The following PIK3C2G variants were observed in gnomAD, a reference collection of about 807,000 sequenced individuals.
The protein encoded by PIK3C2G is phosphatidylinositol-4-phosphate 3-kinase catalytic subunit type 2 gamma.
Under a neutral mutation model 181.1 loss-of-function variants are expected in PIK3C2G, and 168 were observed. The ratio of observed to expected loss-of-function variants is 0.93; its 90% CI spans 0.82 to 1.05. PIK3C2G has a LOEUF of 1.05. PIK3C2G is among the 50% of genes least tolerant of loss of function. The probability of loss-of-function intolerance (pLI) is 0.00; values close to 1 mark genes in which losing one functional copy is unlikely to be tolerated. For synonymous variants in PIK3C2G, 573 were observed against 592.2 expected (o/e 0.97, Z 0.47); for missense variants, 1,869 against 1,732.8 (o/e 1.08, Z -1.40).
intron 7 of PIK3C2G, among the ~76,000 whole-genome samples, chr12:18,322,106 C>T (rs1212018800): frequency 6.6e-6 from 1 of 152,118 alleles, no homozygotes; most frequent in African/African-American, 2.4e-5. Flanking sequence ...TAAAATTGGC[C>T]AAGTGCGGTG....
At chr12:18,293,180 T>C (rs1949786733) in intron 4 of PIK3C2G, among the ~76,000 whole-genome samples, 1 of 152,176 alleles carries the variant, frequency 6.6e-6, no homozygotes, top group Admixed American at 6.6e-5. Context: ...CACGTTTGTC[T>C]ATTTTTTTAT....
intron 15 of PIK3C2G, among the ~76,000 whole-genome samples, chr12:18,393,641 C>T (rs1943679059): frequency 6.6e-6 from 1 of 152,028 alleles, no homozygotes. Context: ...TCTACTTCTA[C>T]CATGAAGAAT....
the PIK3C2G span, chr12:18,701,606 A>ATCCTCCTCCTCC: frequency 7.4e-5 from 113 of 1,524,948 alleles, no homozygotes; most frequent in East Asian, 1.2e-4. Flanking sequence ...CTTTGAATTT[A>ATCCTCCTCCTCC]TCCTCCTCCT....
chr12:18,307,567 T>C (rs886372313), intron 5 of PIK3C2G, among the ~76,000 whole-genome samples: 11 of 151,930 alleles, frequency 7.2e-5, no homozygotes, highest in Admixed American at 6.6e-4. Flanking sequence ...TAATTCCCAG[T>C]GTGGCCTTTT....
upstream of PIK3C2G, among the ~76,000 whole-genome samples, chr12:18,245,884 T>G (rs1948034747): frequency 6.6e-6 from 1 of 152,170 alleles, no homozygotes; most frequent in Non-Finnish European, 1.5e-5. Flanking sequence ...AAATATTTTA[T>G]GGACTACCTA....
intron 24 of PIK3C2G, among the ~76,000 whole-genome samples, chr12:18,536,866 C>T (rs543943196): frequency 2.0e-4 from 30 of 152,042 alleles, no homozygotes; most frequent in Admixed American, 3.9e-4. Flanking sequence ...AGACATAGTC[C>T]GCAGTGTATG....
At chr12:18,454,583 C>T (rs940293973) in intron 18 of PIK3C2G, among the ~76,000 whole-genome samples, 24 of 152,036 alleles carry the variant, frequency 1.6e-4, no homozygotes, top group Admixed American at 1.1e-3. Context: ...AGAATGGAAT[C>T]CATTAGCAGG....
chr12:18,712,849 G>T, the PIK3C2G span: 1 of 1,613,646 alleles, frequency 6.2e-7, no homozygotes, highest in Non-Finnish European at 8.5e-7. Context: ...TACCATGAAT[G>T]CATACTTGTG....
chr12:18,531,891 A>G (rs78186040), intron 24 of PIK3C2G, among the ~76,000 whole-genome samples: 5,959 of 152,274 alleles, frequency 0.039, 156 homozygotes, highest in Middle Eastern at 0.075. Context: ...GTAAATGTCC[A>G]AAAGTATAAT....
In PIK3C2G at chr12:18,403,965, T is replaced by G. The variant is rs186041320; in HGVS notation, c.2315+4118T>G. On this transcript the variant is annotated intron_variant, in intron 16 of 32. Transcript: ENST00000538779. The stretch of plus-strand genomic sequence containing the variant: ...TTCAAGGAAAGTATTCATTTAAAAA[T>G]AGCAACTTTGAATTGGCATCAGAGG... 5.3e-5 allele frequency among the ~76,000 whole-genome samples: 8 copies of G among 152,242 alleles called. No individual in the cohort carries two copies. In the South Asian group the frequency reaches 8.3e-4, roughly 16 times the overall value.
chr12:18,271,784 C>A (rs895950091), intron 1 of PIK3C2G, among the ~76,000 whole-genome samples: 10 of 152,148 alleles, frequency 6.6e-5, no homozygotes, highest in African/African-American at 2.4e-4. Context: ...CACCTCAATT[C>A]AAGACCCACA....
intron 7 of PIK3C2G, among the ~76,000 whole-genome samples, chr12:18,323,510 T>C (rs1030286107): frequency 6.6e-6 from 1 of 152,176 alleles, no homozygotes; most frequent in African/African-American, 2.4e-5. Flanking sequence ...CTTATTTTTC[T>C]CAAAGGGTAT....
chr12:18,708,826 T>C, the PIK3C2G span, among the ~76,000 whole-genome samples: 3 of 152,202 alleles, frequency 2.0e-5, no homozygotes, highest in Admixed American at 1.3e-4. Context: ...GAGAAATGCC[T>C]ATTCAGGTTT....
At position 18,536,592 on chromosome 12, in the gene PIK3C2G, C is replaced by G. The variant is rs193032518; in HGVS notation, c.3324-1564C>G. Among the ~76,000 whole-genome samples, 3 of 152,192 alleles carry G rather than the reference C, an allele frequency of 2.0e-5. No homozygotes were observed. The East Asian group carries it at 5.8e-4, about 29-fold the overall frequency. ...CAAATGTGCCACCCTCCCTATGTGT[C>G]AGGCATTTATGTACATGTACATTTC... On this transcript the variant is annotated intron_variant, in intron 24 of 32. Transcript: ENST00000538779.
At chr12:18,642,978 A>G (rs1320615173) in intron 32 of PIK3C2G, among the ~76,000 whole-genome samples, 1 of 152,082 alleles carries the variant, frequency 6.6e-6, no homozygotes, top group African/African-American at 2.4e-5. Context: ...TTCTTTTCAT[A>G]CTTTTTGAGT....
intron 24 of PIK3C2G, among the ~76,000 whole-genome samples, chr12:18,509,016 A>G (rs1942034813): frequency 6.6e-6 from 1 of 152,172 alleles, no homozygotes; most frequent in African/African-American, 2.4e-5. Context: ...TTTATGGTTT[A>G]CACAATATTA....
intron 5 of PIK3C2G, among the ~76,000 whole-genome samples, chr12:18,297,545 A>C (rs2137255689): frequency 6.6e-6 from 1 of 151,860 alleles, no homozygotes; most frequent in Middle Eastern, 3.4e-3. Context: ...GGACATTTCA[A>C]ATCTTCTCTT....
chr12:18,432,131 T>A (rs893660423), intron 18 of PIK3C2G, among the ~76,000 whole-genome samples: 6 of 152,192 alleles, frequency 3.9e-5, no homozygotes, highest in Non-Finnish European at 8.8e-5. Flanking sequence ...TACCATACAA[T>A]CTTTAAATAA....
chr12:18,546,257 T>G lies in PIK3C2G; in HGVS notation c.3481-66T>G, dbSNP rs1044303361. The stretch of plus-strand genomic sequence containing the variant: ...ATGTCTCTGGGTAGAATTAATCAAG[T>G]AAGCTTGATTGTATCTGCATTTATT... On this transcript the variant is annotated intron_variant, in intron 25 of 32. Coordinates refer to ENST00000538779, the MANE Select transcript of PIK3C2G (RefSeq NM_001288772.2). The G allele has an allele frequency of 2.3e-5, 22 of 960,972 alleles. No homozygotes were observed. The African/African-American group carries it at 3.4e-4, about 15-fold the overall frequency. The allele number at this position is 960,972 out of a possible 1,614,324, so 59.5% of individuals were successfully genotyped here.
Sources: gnomAD v4.1 joint callset for allele counts (sites outside exome capture counted in the v4.1 genomes callset) on GRCh38, gnomAD v4.1.1 for gene constraint, MANE v1.5 for transcripts, NCBI Gene and HGNC (gene_info 2026-07-23, HGNC 2026-07-21) for gene names.